Variants in PTPRN2 observed in about 807,000 individuals in gnomAD.
PTPRN2 encodes protein tyrosine phosphatase receptor type N2, also known as receptor-type tyrosine-protein phosphatase N2.
PTPRN2 carries 74 observed loss-of-function variants against 118.8 expected under a neutral mutation model. The ratio of observed to expected loss-of-function variants is 0.62; its 90% CI spans 0.52 to 0.76. The LOEUF is 0.76. Ranked by LOEUF, PTPRN2 falls within the 30% of genes least tolerant of loss-of-function variation. PTPRN2 has a pLI of 0.00. For synonymous variants in PTPRN2, 641 were observed against 608.0 expected (o/e 1.05, Z -0.80); for missense variants, 1,481 against 1,394.4 (o/e 1.06, Z -0.99).
At chr7:158,351,158 G>A (rs188072936) in intron 2 of PTPRN2, among the ~76,000 whole-genome samples, 36 of 152,256 alleles carry the variant, frequency 2.4e-4, no homozygotes, top group African/African-American at 7.7e-4. Flanking sequence ...GGCATCTCTC[G>A]CCACCTCGAG....
intron 1 of PTPRN2, among the ~76,000 whole-genome samples, chr7:158,510,949 A>C (rs778211340): frequency 5.3e-5 from 8 of 152,272 alleles, no homozygotes; most frequent in Non-Finnish European, 1.0e-4. Flanking sequence ...CCAGCCTCCC[A>C]CAGGGGATTC....
At chr7:158,002,018 C>T (rs1254480795) in intron 11 of PTPRN2, among the ~76,000 whole-genome samples, 1 of 152,218 alleles carries the variant, frequency 6.6e-6, no homozygotes, top group African/African-American at 2.4e-5. Context: ...GCTTCAGATT[C>T]AGAAATGGCA....
At chr7:157,694,675 T>G (rs1350066694) in intron 12 of PTPRN2, among the ~76,000 whole-genome samples, 1 of 152,236 alleles carries the variant, frequency 6.6e-6, no homozygotes, top group African/African-American at 2.4e-5. Context: ...TTCTAATTCT[T>G]GAAAATACTT....
At chr7:157,997,628 T>TG (rs1307450763) in intron 11 of PTPRN2, among the ~76,000 whole-genome samples, 1 of 140,964 alleles carries the variant, frequency 7.1e-6, no homozygotes, top group Non-Finnish European at 1.6e-5. Flanking sequence ...CAGATAAACG[T>TG]GGGGGGAGGC....
At chr7:158,287,077 G>A (rs1218973444) in intron 3 of PTPRN2, among the ~76,000 whole-genome samples, 1 of 152,038 alleles carries the variant, frequency 6.6e-6, no homozygotes, top group East Asian at 1.9e-4. Flanking sequence ...TTCTTGGTAG[G>A]TATCATATGC....
At chr7:158,503,605 G>A (rs1024474077) in intron 1 of PTPRN2, among the ~76,000 whole-genome samples, 13 of 152,258 alleles carry the variant, frequency 8.5e-5, no homozygotes, top group Non-Finnish European at 1.6e-4. Context: ...ATTCTACTGA[G>A]AGAATGGAAA....
intron 3 of PTPRN2, among the ~76,000 whole-genome samples, chr7:158,275,908 C>T (rs1000158105): frequency 3.3e-5 from 5 of 152,306 alleles, no homozygotes; most frequent in South Asian, 4.1e-4. Context: ...CTGGTCCCTC[C>T]GCCATCCTGA....
intron 1 of PTPRN2, chr7:158,532,800 G>T (rs202194191): frequency 1.9e-6 from 1 of 534,662 alleles, no homozygotes; most frequent in Middle Eastern, 3.2e-4. Flanking sequence ...TGTTAAATGC[G>T]TGCAGGCTTC....
chr7:158,401,733 G>A (rs1812964928), intron 2 of PTPRN2, among the ~76,000 whole-genome samples: 1 of 152,244 alleles, frequency 6.6e-6, no homozygotes, highest in Admixed American at 6.5e-5. Context: ...AAAATTTGAA[G>A]GGGCTGAAAG....
chr7:158,111,381 G>A (rs1031063559), intron 9 of PTPRN2, among the ~76,000 whole-genome samples: 1 of 152,204 alleles, frequency 6.6e-6, no homozygotes, highest in Non-Finnish European at 1.5e-5. Context: ...CAGCAACTCA[G>A]GGCAGGGGGC....
At chr7:158,011,504 C>T (rs550395365) in intron 11 of PTPRN2, among the ~76,000 whole-genome samples, 3 of 152,314 alleles carry the variant, frequency 2.0e-5, no homozygotes, top group Non-Finnish European at 2.9e-5. Context: ...GTCAGACCAT[C>T]GTCACCGACG....
In PTPRN2 at chr7:158,256,339, GA is replaced by G. The variant is rs1366858298; in HGVS notation, c.278-51067del. ...CCCCGCGGCTGCCTCTGCTGAGGGG[GA>G]CAAGAGGGCACCGAGGCTTCTCCTC... On this transcript the variant is annotated intron_variant, in intron 3 of 22. Coordinates refer to ENST00000389418, the MANE Select transcript of PTPRN2 (RefSeq NM_002847.5). 3.3e-5 allele frequency among the ~76,000 whole-genome samples: 5 copies of G among 152,200 alleles called. No individual in the cohort carries two copies. The East Asian group carries it at 9.6e-4, about 29-fold the overall frequency.
At chr7:158,121,778 T>C (rs1204603554) in intron 9 of PTPRN2, among the ~76,000 whole-genome samples, 1 of 152,192 alleles carries the variant, frequency 6.6e-6, no homozygotes, top group East Asian at 1.9e-4. Flanking sequence ...TTATACAAAG[T>C]GTACGGGACG....
intron 11 of PTPRN2, among the ~76,000 whole-genome samples, chr7:158,072,057 CCGTGGTGGTGGAGGTGCT>C (rs1190208250): frequency 5.9e-4 from 41 of 69,128 alleles, no homozygotes; most frequent in Middle Eastern, 0.012. Context: ...GTGGAGGTTC[CCGTGGTGGTGGAGGTGCT>C]CGTGGTGGTG....
chr7:157,952,206 C>G (rs1276968052), intron 11 of PTPRN2, among the ~76,000 whole-genome samples: 1 of 152,212 alleles, frequency 6.6e-6, no homozygotes, highest in Non-Finnish European at 1.5e-5. Flanking sequence ...ACAGAATGTG[C>G]AGCTAGCCTC....
At chr7:158,343,992 C>A (rs1333204587) in intron 2 of PTPRN2, among the ~76,000 whole-genome samples, 1 of 152,194 alleles carries the variant, frequency 6.6e-6, no homozygotes, top group African/African-American at 2.4e-5. Context: ...CACACTGCCA[C>A]ACCCCAAGAT....
chr7:158,344,067 G>A (rs990814985), intron 2 of PTPRN2, among the ~76,000 whole-genome samples: 5 of 152,090 alleles, frequency 3.3e-5, no homozygotes, highest in Non-Finnish European at 7.4e-5. Flanking sequence ...ACCCCCATAC[G>A]AGAGTGTCAG....
intron 1 of PTPRN2, among the ~76,000 whole-genome samples, chr7:158,547,692 C>T (rs1309329241): frequency 4.6e-5 from 7 of 152,194 alleles, no homozygotes; most frequent in African/African-American, 1.7e-4. Context: ...CCAGTGGGTC[C>T]AGCAGAGGCT....
chr7:157,642,197 G>C (rs548850188), intron 14 of PTPRN2, among the ~76,000 whole-genome samples: 3 of 152,284 alleles, frequency 2.0e-5, no homozygotes, highest in Middle Eastern at 3.4e-3. Context: ...CCCCAAATTG[G>C]CTGTAAGCCT....
Sources: allele counts gnomAD v4.1 joint callset (sites outside exome capture counted in the v4.1 genomes callset), GRCh38; gene constraint gnomAD v4.1.1; transcripts MANE v1.5; gene names NCBI Gene and HGNC (gene_info 2026-07-23, HGNC 2026-07-21).